Variants in SRGAP2C observed in about 807,000 individuals in gnomAD.
The protein encoded by SRGAP2C is SLIT-ROBO Rho GTPase activating protein 2C, also known as SLIT-ROBO Rho GTPase-activating protein 2C.
A neutral mutation model predicts 25.1 loss-of-function variants in SRGAP2C; 15 were observed. The observed-to-expected ratio is 0.60, with a 90% CI of 0.40 to 0.92. The LOEUF is 0.92. Ranked by LOEUF, SRGAP2C falls within the 40% of genes least tolerant of loss-of-function variation. The probability of loss-of-function intolerance (pLI) is 0.00; values close to 1 mark genes in which losing one functional copy is unlikely to be tolerated. For missense variants in SRGAP2C, 144 were observed against 264.4 expected (o/e 0.54, Z 3.16); for synonymous variants, 44 against 96.6 (o/e 0.46, Z 3.19).
chr1:121,322,142 C>A (rs1347365050), intron 3 of SRGAP2C, among the ~76,000 whole-genome samples: 4 of 149,750 alleles, frequency 2.7e-5, no homozygotes, highest in African/African-American at 7.6e-5. Flanking sequence ...ATAGACCCCC[C>A]CAATCCATCT....
intron 2 of SRGAP2C, among the ~76,000 whole-genome samples, chr1:121,263,539 G>A: frequency 6.6e-6 from 1 of 150,840 alleles, no homozygotes; most frequent in Admixed American, 6.6e-5. Flanking sequence ...TTTGAGACAT[G>A]TAAAATCATG....
rs1658643552 is a variant in SRGAP2C, at chr1:121,341,223, G to A, written c.423+16583G>A. ...AGTGGCCTGACATGAGGTGGGAGGA[G>A]GTCATTCAACTTAGTCATTCAGCAG... On this transcript the variant is annotated intron_variant, in intron 4 of 9. Coordinates refer to ENST00000367123, the MANE Select transcript of SRGAP2C (RefSeq NM_001329984.2). Among the ~76,000 whole-genome samples the A allele has an allele frequency of 2.6e-5, 2 of 77,240 alleles. 1 individual carries two copies. Among genetic ancestry groups the A allele is most frequent in the Non-Finnish European group, 5.0e-5 (2 of 39,712 alleles). The allele number at this position is 77,240 out of a possible 152,430, so 50.7% of individuals were successfully genotyped here.
intron 3 of SRGAP2C, among the ~76,000 whole-genome samples, chr1:121,289,609 G>A (rs1370408756): frequency 9.6e-6 from 1 of 104,544 alleles, no homozygotes; most frequent in East Asian, 3.3e-4. Context: ...GGGAGCCCAG[G>A]CAGGGGAGGT....
At chr1:121,310,421 T>C (rs1225507206) in intron 3 of SRGAP2C, among the ~76,000 whole-genome samples, 5 of 139,620 alleles carry the variant, frequency 3.6e-5, no homozygotes, top group Non-Finnish European at 7.6e-5. Context: ...AGAAGCTCTT[T>C]AGTTTTATGA....
intron 3 of SRGAP2C, among the ~76,000 whole-genome samples, chr1:121,308,664 T>C (rs1657906047): frequency 6.6e-6 from 1 of 151,486 alleles, no homozygotes. Flanking sequence ...ATGGGCCGGG[T>C]GCGGTGGTTC....
At chr1:121,211,650 C>T (rs1396068852) in intron 2 of SRGAP2C, among the ~76,000 whole-genome samples, 1 of 152,114 alleles carries the variant, frequency 6.6e-6, no homozygotes, top group Non-Finnish European at 1.5e-5. Context: ...GCCATTCAGT[C>T]AATCAAAATG....
intron 2 of SRGAP2C, among the ~76,000 whole-genome samples, chr1:121,275,566 C>T (rs637834): frequency 0.55 from 49,141 of 88,624 alleles, 15,136 homozygotes; most frequent in East Asian, 0.69. Context: ...AGCTTTTTCA[C>T]TTGGGATCCT....
intron 2 of SRGAP2C, among the ~76,000 whole-genome samples, chr1:121,188,569 TGGTTGGAGCTCTG>T (rs1654588596): frequency 7.1e-6 from 1 of 140,480 alleles, no homozygotes; most frequent in African/African-American, 2.7e-5. Context: ...TTACACCACA[TGGTTGGAGCTCTG>T]GGTTTTCCTT....
chr1:121,255,825 AAAAC>A (rs1230452970), intron 2 of SRGAP2C, among the ~76,000 whole-genome samples: 1 of 133,226 alleles, frequency 7.5e-6, no homozygotes, highest in African/African-American at 2.8e-5. Flanking sequence ...CTCAAAAACA[AAAAC>A]AAAAACAAAC....
At chr1:121,282,711 T>C (rs1181334673) in intron 2 of SRGAP2C, among the ~76,000 whole-genome samples, 3 of 113,574 alleles carry the variant, frequency 2.6e-5, no homozygotes, top group Admixed American at 9.1e-5. Context: ...CCTGCCACCA[T>C]GCCTGGCTAA....
At chr1:121,234,966 T>C (rs1655911048) in intron 2 of SRGAP2C, among the ~76,000 whole-genome samples, 1 of 151,788 alleles carries the variant, frequency 6.6e-6, no homozygotes, top group Non-Finnish European at 1.5e-5. Context: ...TTTCTTCTTT[T>C]CTTTCCTCCC....
At chr1:121,202,116 T>C (rs1654999230) in intron 2 of SRGAP2C, among the ~76,000 whole-genome samples, 1 of 152,184 alleles carries the variant, frequency 6.6e-6, no homozygotes, top group African/African-American at 2.4e-5. Context: ...ACCCAATCTA[T>C]AAATGGTCAG....
intron 2 of SRGAP2C, among the ~76,000 whole-genome samples, chr1:121,223,506 G>GT (rs1264473134): frequency 1.8e-5 from 1 of 54,610 alleles, no homozygotes; most frequent in East Asian, 6.4e-4. Context: ...GAATTTGATT[G>GT]TTTTTTTGGC....
intron 4 of SRGAP2C, among the ~76,000 whole-genome samples, chr1:121,327,564 CT>C (rs1321654068): frequency 1.3e-5 from 1 of 79,782 alleles, no homozygotes; most frequent in African/African-American, 4.5e-5. Flanking sequence ...ACCCTGACTC[CT>C]AAAAAAAAAA....
intron 2 of SRGAP2C, among the ~76,000 whole-genome samples, chr1:121,283,879 C>G (rs1175348344): frequency 6.7e-6 from 1 of 148,928 alleles, no homozygotes; most frequent in Non-Finnish European, 1.5e-5. Context: ...TGAGGCAAAT[C>G]TGTTTGCATC....
At chr1:121,275,592 C>T (rs1456351779) in intron 2 of SRGAP2C, among the ~76,000 whole-genome samples, 1 of 144,820 alleles carries the variant, frequency 6.9e-6, no homozygotes, top group African/African-American at 2.6e-5. Flanking sequence ...CTTTAACTTG[C>T]TTTTGAGTCA....
intron 2 of SRGAP2C, among the ~76,000 whole-genome samples, chr1:121,206,426 G>A (rs1243654489): frequency 6.6e-6 from 1 of 152,200 alleles, no homozygotes; most frequent in Non-Finnish European, 1.5e-5. Flanking sequence ...TGATGACCTT[G>A]AAGATCAGCC....
intron 2 of SRGAP2C, among the ~76,000 whole-genome samples, chr1:121,190,561 G>T: frequency 1.1e-5 from 1 of 94,898 alleles, no homozygotes; most frequent in Non-Finnish European, 2.1e-5. Context: ...CCTTTCTTTT[G>T]CTGAATTGGG....
chr1:121,202,239 C>A (rs1655002053), intron 2 of SRGAP2C, among the ~76,000 whole-genome samples: 1 of 152,088 alleles, frequency 6.6e-6, no homozygotes, highest in Admixed American at 6.5e-5. Context: ...CATTTGGGTT[C>A]TCAGCAACTT....
Sources: allele counts gnomAD v4.1 joint callset (sites outside exome capture counted in the v4.1 genomes callset), GRCh38; gene constraint gnomAD v4.1.1; transcripts MANE v1.5; gene names NCBI Gene and HGNC (gene_info 2026-07-23, HGNC 2026-07-21).